The following ZC3H12B variants were observed in gnomAD, a reference collection of about 807,000 sequenced individuals.
ZC3H12B encodes the protein probable ribonuclease ZC3H12B.
In ZC3H12B, 7 loss-of-function variants were observed where a neutral mutation model predicts 43.9. The ratio of observed to expected loss-of-function variants is 0.16; its 90% CI spans 0.09 to 0.30. ZC3H12B has a LOEUF of 0.30. Among genes scored for constraint, ZC3H12B ranks in the 10% least tolerant of loss-of-function variants. ZC3H12B has a pLI of 1.00. For missense variants in ZC3H12B, 475 were observed against 670.2 expected (o/e 0.71, Z 3.22); for synonymous variants, 222 against 241.7 (o/e 0.92, Z 0.76).
chrX:65,162,956 C>A, the ZC3H12B span, among the ~76,000 whole-genome samples: 2 of 112,061 alleles, frequency 1.8e-5, no homozygotes, highest in African/African-American at 6.5e-5. Flanking sequence ...GTGTGGATGT[C>A]CTTTCTGTTT....
chrX:65,394,934 T>C (rs1049268532), intron 2 of ZC3H12B, among the ~76,000 whole-genome samples: 1 of 111,050 alleles, frequency 9.0e-6, no homozygotes, highest in African/African-American at 3.3e-5. Context: ...TTCTAAGCTG[T>C]TAAGTGGTAT....
the ZC3H12B span, among the ~76,000 whole-genome samples, chrX:65,141,431 A>G: frequency 5.5e-5 from 6 of 109,845 alleles, no homozygotes; most frequent in African/African-American, 1.3e-4. Flanking sequence ...TAACCCTCAT[A>G]ATAGTGTTAT....
chrX:65,158,804 T>C, the ZC3H12B span, among the ~76,000 whole-genome samples: 1 of 112,103 alleles, frequency 8.9e-6, no homozygotes, highest in African/African-American at 3.2e-5. Flanking sequence ...ATTTTGGCTT[T>C]TGTTGCCATT....
At chrX:65,192,029 T>G in the ZC3H12B span, among the ~76,000 whole-genome samples, 22 of 110,119 alleles carry the variant, frequency 2.0e-4, no homozygotes, top group Non-Finnish European at 4.0e-4. Flanking sequence ...TCAAAGAACA[T>G]CTTTATTTCT....
chrX:65,451,906 A>G (rs1344709799), intron 3 of ZC3H12B, among the ~76,000 whole-genome samples: 1 of 112,093 alleles, frequency 8.9e-6, no homozygotes, highest in African/African-American at 3.2e-5. Flanking sequence ...CAGTACAACA[A>G]GCCACTGAGC....
intron 3 of ZC3H12B, among the ~76,000 whole-genome samples, chrX:65,465,120 G>A (rs762490664): frequency 3.7e-4 from 41 of 110,833 alleles, no homozygotes; most frequent in African/African-American, 1.3e-3. Flanking sequence ...GTGGTTAGTT[G>A]GTTTGTAGAA....
the ZC3H12B span, among the ~76,000 whole-genome samples, chrX:65,096,890 T>C: frequency 8.9e-6 from 1 of 111,787 alleles, no homozygotes; most frequent in African/African-American, 3.2e-5. Context: ...TTACTATTGG[T>C]AGAATTCACA....
At chrX:65,131,070 G>A in the ZC3H12B span, among the ~76,000 whole-genome samples, 2 of 112,189 alleles carry the variant, frequency 1.8e-5, no homozygotes, top group East Asian at 5.6e-4. Context: ...TGCAGGATAT[G>A]GAAGGCATAT....
chrX:65,089,392 A>G, the ZC3H12B span, among the ~76,000 whole-genome samples: 1 of 111,921 alleles, frequency 8.9e-6, no homozygotes, highest in East Asian at 2.8e-4. Flanking sequence ...GGACAATAAA[A>G]GTATAGTATA....
chrX:65,064,754 C>T, the ZC3H12B span, among the ~76,000 whole-genome samples: 1 of 111,516 alleles, frequency 9.0e-6, no homozygotes. Flanking sequence ...TTAAAGTCTC[C>T]CACTATTATT....
the ZC3H12B span, among the ~76,000 whole-genome samples, chrX:65,295,070 A>G: frequency 2.7e-5 from 3 of 111,854 alleles, no homozygotes; most frequent in South Asian, 1.1e-3. Context: ...TCATCAGCAC[A>G]TGAAAATTTA....
chrX:65,173,921 C>A, the ZC3H12B span, among the ~76,000 whole-genome samples: 1 of 110,719 alleles, frequency 9.0e-6, no homozygotes, highest in Admixed American at 9.6e-5. Flanking sequence ...GGATGGGGTT[C>A]TTATGTGGGG....
chrX:65,077,538 C>A, the ZC3H12B span, among the ~76,000 whole-genome samples: 1 of 111,853 alleles, frequency 8.9e-6, no homozygotes, highest in Admixed American at 9.5e-5. Flanking sequence ...GTGGGCAGAT[C>A]AGCTCACCTG....
upstream of ZC3H12B, among the ~76,000 whole-genome samples, chrX:65,485,834 T>A (rs2068117439): frequency 8.9e-6 from 1 of 112,067 alleles, no homozygotes; most frequent in African/African-American, 3.2e-5. Flanking sequence ...TGCTTTTTAA[T>A]GCTTAATCAC....
chrX:65,102,868 G>A, the ZC3H12B span, among the ~76,000 whole-genome samples: 2 of 111,647 alleles, frequency 1.8e-5, no homozygotes, highest in African/African-American at 3.3e-5. Context: ...AACCCAGCAA[G>A]TTTTTATTAT....
the ZC3H12B span, among the ~76,000 whole-genome samples, chrX:65,167,177 T>C: frequency 8.9e-6 from 1 of 111,915 alleles, no homozygotes; most frequent in African/African-American, 3.3e-5. Flanking sequence ...TGGTTTTAGG[T>C]CTAACATTTA....
chrX:65,294,051 C>G, the ZC3H12B span, among the ~76,000 whole-genome samples: 1 of 111,407 alleles, frequency 9.0e-6, no homozygotes, highest in African/African-American at 3.3e-5. Context: ...GCCACATAAT[C>G]ATGAGATTCT....
chrX:65,150,132 CT>C, the ZC3H12B span, among the ~76,000 whole-genome samples: 441 of 110,918 alleles, frequency 4.0e-3, 2 homozygotes, highest in Non-Finnish European at 7.0e-3. Flanking sequence ...TGTCATATCT[CT>C]TTTCCCCTTC....
At chrX:65,095,891 TCTTCCC>T in the ZC3H12B span, among the ~76,000 whole-genome samples, 1 of 110,710 alleles carries the variant, frequency 9.0e-6, no homozygotes, top group African/African-American at 3.3e-5. Context: ...ACTGTAGAAT[TCTTCCC>T]CTTCCCCTAC....
Sources: gnomAD v4.1 joint callset for allele counts (sites outside exome capture counted in the v4.1 genomes callset) on GRCh38, gnomAD v4.1.1 for gene constraint, MANE v1.5 for transcripts, NCBI Gene and HGNC (gene_info 2026-07-23, HGNC 2026-07-21) for gene names.